The following STXBP6 variants were observed in gnomAD, a reference collection of about 807,000 sequenced individuals.
STXBP6 encodes syntaxin-binding protein 6.
STXBP6 carries 21 observed loss-of-function variants against 26.9 expected under a neutral mutation model. The observed-to-expected ratio is 0.78, with a 90% CI of 0.55 to 1.12. The LOEUF is 1.12. Among genes scored for constraint, STXBP6 ranks in the 50% most tolerant of loss-of-function variants. The probability of loss-of-function intolerance (pLI) is 0.00; values close to 1 mark genes in which losing one functional copy is unlikely to be tolerated. For synonymous variants in STXBP6, 97 were observed against 92.6 expected, an observed-to-expected ratio of 1.05 and a Z score of -0.27; for missense variants, 232 against 257.9, an observed-to-expected ratio of 0.90 and a Z score of 0.69.
chr14:24,897,233 A>C (rs2071023398), intron 2 of STXBP6, among the ~76,000 whole-genome samples: 3 of 151,742 alleles, frequency 2.0e-5, no homozygotes. Context: ...ACACGGTGAA[A>C]CCCTGTCTCT....
At chr14:24,929,693 C>A (rs183178562) in intron 2 of STXBP6, among the ~76,000 whole-genome samples, 70 of 152,314 alleles carry the variant, frequency 4.6e-4, no homozygotes, top group African/African-American at 1.6e-3. Context: ...TTATAGGCTG[C>A]ACCAGCTTTA....
At chr14:24,889,072 C>T (rs2070695121) in intron 2 of STXBP6, among the ~76,000 whole-genome samples, 2 of 151,852 alleles carry the variant, frequency 1.3e-5, no homozygotes. Context: ...AGGGGCTTCC[C>T]CATTAAACAG....
At chr14:24,904,364 T>C (rs2071316463) in intron 2 of STXBP6, among the ~76,000 whole-genome samples, 1 of 152,180 alleles carries the variant, frequency 6.6e-6, no homozygotes, top group Non-Finnish European at 1.5e-5. Flanking sequence ...GGTGCAAAAG[T>C]AACTCTGGGT....
chr14:24,880,204 A>T (rs140841654), intron 2 of STXBP6, among the ~76,000 whole-genome samples: 57 of 152,332 alleles, frequency 3.7e-4, no homozygotes, highest in African/African-American at 1.3e-3. Flanking sequence ...ATTGTTCACA[A>T]TATTCCCCAG....
At chr14:24,857,960 T>C (rs2069398986) in intron 2 of STXBP6, among the ~76,000 whole-genome samples, 1 of 152,096 alleles carries the variant, frequency 6.6e-6, no homozygotes. Flanking sequence ...ATTAATTGTC[T>C]TTAAAGGGAT....
At chr14:24,841,369 T>C (rs2139023283) in intron 4 of STXBP6, among the ~76,000 whole-genome samples, 1 of 152,326 alleles carries the variant, frequency 6.6e-6, no homozygotes, top group South Asian at 2.1e-4. Context: ...TTTAATATTT[T>C]CCCTTTGTCC....
At chr14:24,940,258 G>A (rs1459250412) in intron 2 of STXBP6, among the ~76,000 whole-genome samples, 3 of 152,220 alleles carry the variant, frequency 2.0e-5, no homozygotes, top group African/African-American at 7.2e-5. Context: ...AAGCAAAGGA[G>A]AAGGATGGTT....
At chr14:24,940,801 G>C (rs991306959) in intron 2 of STXBP6, among the ~76,000 whole-genome samples, 3 of 152,100 alleles carry the variant, frequency 2.0e-5, no homozygotes, top group Non-Finnish European at 4.4e-5. Flanking sequence ...GGATCACAAG[G>C]TCAGGAGTTC....
intron 2 of STXBP6, among the ~76,000 whole-genome samples, chr14:24,889,437 G>GA (rs2070711720): frequency 9.5e-6 from 1 of 105,620 alleles, no homozygotes; most frequent in African/African-American, 3.6e-5. Context: ...AGGGGGGAGG[G>GA]ATAGCATTAG....
chr14:24,844,739 T>C (rs1389498899), intron 4 of STXBP6, among the ~76,000 whole-genome samples: 1 of 152,218 alleles, frequency 6.6e-6, no homozygotes, highest in Non-Finnish European at 1.5e-5. Context: ...CAGGTGCTCA[T>C]GTTGAATCAC....
intron 2 of STXBP6, among the ~76,000 whole-genome samples, chr14:24,950,199 C>T (rs967921941): frequency 3.9e-5 from 6 of 152,276 alleles, no homozygotes; most frequent in African/African-American, 1.4e-4. Context: ...AATGATCACA[C>T]ATGTGGAGCA....
chr14:24,894,028 G>C (rs2070885590), intron 2 of STXBP6, among the ~76,000 whole-genome samples: 1 of 152,156 alleles, frequency 6.6e-6, no homozygotes, highest in Non-Finnish European at 1.5e-5. Context: ...GTGTTATACA[G>C]GTTCTATGGT....
chr14:25,049,971 CCG>C lies in STXBP6; in HGVS notation c.-128_-127del, dbSNP rs2075781779. ...CCGGGGGGCTGCCCCGCGCGGGGCT[CCG>C]GGCTCCGGACAAGGCTTAGCCGGCC... On this transcript the variant is annotated 5_prime_UTR_variant, in exon 1 of 6. Coordinates refer to ENST00000323944, the MANE Select transcript of STXBP6 (RefSeq NM_001394410.1). This position sits in a 1 kb window ranked among gnomAD's most constrained non-coding sequence, Gnocchi z 5.6. 1.3e-6 allele frequency: 1 copy of C among 744,190 alleles called. No homozygotes were observed. The highest frequency in any genetic ancestry group is 1.6e-6 in the Non-Finnish European group (1 of 610,132). 46.1% of individuals were successfully genotyped at this position (744,190 alleles called of 1,614,324 possible).
At chr14:24,952,150 A>G (rs1250066492) in intron 2 of STXBP6, among the ~76,000 whole-genome samples, 2 of 151,682 alleles carry the variant, frequency 1.3e-5, no homozygotes, top group Non-Finnish European at 2.9e-5. Flanking sequence ...AGCTAGTTAC[A>G]TGGGGATTCA....
intron 2 of STXBP6, among the ~76,000 whole-genome samples, chr14:24,945,333 C>T (rs372638879): frequency 4.0e-5 from 6 of 151,802 alleles, no homozygotes; most frequent in African/African-American, 9.7e-5. Flanking sequence ...AATCCCAGCA[C>T]TTTGGGAGGA....
intron 4 of STXBP6, among the ~76,000 whole-genome samples, chr14:24,825,575 G>T (rs1161405990): frequency 6.6e-6 from 1 of 152,184 alleles, no homozygotes; most frequent in Non-Finnish European, 1.5e-5. Flanking sequence ...AGAGAAGAAT[G>T]GACCATTCTA....
chr14:24,973,061 T>C (rs542466491), intron 2 of STXBP6, among the ~76,000 whole-genome samples: 3 of 152,150 alleles, frequency 2.0e-5, no homozygotes, highest in East Asian at 1.9e-4. Context: ...AAGGCTACAG[T>C]GAGCCATGGT....
intron 1 of STXBP6, among the ~76,000 whole-genome samples, chr14:25,042,918 G>A (rs1022251902): frequency 2.0e-5 from 3 of 152,198 alleles, no homozygotes; most frequent in Admixed American, 6.5e-5. Context: ...TGATGTTCAC[G>A]TAATGCTGAC....
chr14:24,856,620 T>C (rs1273799792), intron 3 of STXBP6, among the ~76,000 whole-genome samples: 3 of 152,064 alleles, frequency 2.0e-5, no homozygotes, highest in African/African-American at 2.4e-5. Context: ...GGAATCACAA[T>C]GCATACTGAA....
Sources: gnomAD v4.1 joint callset for allele counts (sites outside exome capture counted in the v4.1 genomes callset) on GRCh38, gnomAD v4.1.1 for gene constraint, Gnocchi (gnomAD v3.1) non-coding constraint, MANE v1.5 for transcripts, NCBI Gene and HGNC (gene_info 2026-07-23, HGNC 2026-07-21) for gene names.